Variants in NBEA observed in about 807,000 individuals in gnomAD.
NBEA encodes neurobeachin.
Under a neutral mutation model 343.4 loss-of-function variants are expected in NBEA, and 44 were observed. The ratio of observed to expected loss-of-function variants is 0.13; its 90% CI spans 0.10 to 0.16. The LOEUF (loss-of-function observed/expected upper bound fraction) is 0.16. Ranked by LOEUF, NBEA falls within the 10% of genes least tolerant of loss-of-function variation. NBEA has a pLI of 1.00. For synonymous variants in NBEA, 1,175 were observed against 1,238.7 expected, an observed-to-expected ratio of 0.95 and a Z score of 1.08; for missense variants, 2,555 against 3,631.3, an observed-to-expected ratio of 0.70 and a Z score of 7.62.
chr13:35,116,376 G>A (rs1188953114), intron 13 of NBEA, among the ~76,000 whole-genome samples: 1 of 151,968 alleles, frequency 6.6e-6, no homozygotes, highest in Non-Finnish European at 1.5e-5. Flanking sequence ...GTTCATGTAT[G>A]TTTTCTGTAC....
At chr13:34,956,379 A>C (rs1443361786) in intron 1 of NBEA, among the ~76,000 whole-genome samples, 2 of 150,898 alleles carry the variant, frequency 1.3e-5, no homozygotes, top group African/African-American at 4.9e-5. Context: ...TTTGAAAGTC[A>C]GTGAAAGTTG....
chr13:35,058,959 A>C, intron 8 of NBEA, 96 bp downstream of exon 8: 1 of 1,055,774 alleles, frequency 9.5e-7, no homozygotes, highest in Non-Finnish European at 1.3e-6. Context: ...ATACGGTTTA[A>C]GAGTCATTTC....
chr13:35,610,639 T>A (rs2082471837), intron 48 of NBEA, among the ~76,000 whole-genome samples: 1 of 152,190 alleles, frequency 6.6e-6, no homozygotes. Context: ...TGTGACTTTA[T>A]GTTAGCAAAG....
chr13:35,332,615 C>G (rs915950090), intron 36 of NBEA, among the ~76,000 whole-genome samples: 6 of 151,658 alleles, frequency 4.0e-5, no homozygotes, highest in African/African-American at 1.5e-4. Context: ...TTATGGGTAG[C>G]CATTGGAGAA....
At chr13:35,537,724 G>A (rs2078628123) in intron 41 of NBEA, among the ~76,000 whole-genome samples, 1 of 152,142 alleles carries the variant, frequency 6.6e-6, no homozygotes, top group Admixed American at 6.5e-5. Flanking sequence ...AGAGAGGGAA[G>A]AATATGTGCA....
intron 38 of NBEA, among the ~76,000 whole-genome samples, chr13:35,381,011 C>A (rs1313961596): frequency 6.6e-6 from 1 of 151,906 alleles, no homozygotes; most frequent in East Asian, 1.9e-4. Context: ...TTTTAATATG[C>A]TTTTTCTTTA....
chr13:35,457,527 T>C (rs1266242241), intron 40 of NBEA, among the ~76,000 whole-genome samples: 1 of 152,242 alleles, frequency 6.6e-6, no homozygotes, highest in African/African-American at 2.4e-5. Flanking sequence ...TGCATACAAA[T>C]GGAATCATAG....
chr13:35,241,200 A>G (rs1436717973), intron 34 of NBEA, among the ~76,000 whole-genome samples: 2 of 152,066 alleles, frequency 1.3e-5, no homozygotes, highest in East Asian at 1.9e-4. Context: ...TTAACAAGCT[A>G]TTATAGTTAA....
At chr13:34,975,012 A>G (rs1363457654) in intron 1 of NBEA, among the ~76,000 whole-genome samples, 1 of 152,188 alleles carries the variant, frequency 6.6e-6, no homozygotes, top group African/African-American at 2.4e-5. Context: ...TCCTCATACT[A>G]TCACCTTGAG....
intron 36 of NBEA, among the ~76,000 whole-genome samples, chr13:35,347,045 T>C (rs1044715572): frequency 5.9e-5 from 9 of 152,086 alleles, no homozygotes; most frequent in Non-Finnish European, 1.0e-4. Context: ...AACAAATAAA[T>C]CCAGTATAGT....
At chr13:35,557,934 A>G (rs2079656042) in intron 44 of NBEA, among the ~76,000 whole-genome samples, 1 of 152,162 alleles carries the variant, frequency 6.6e-6, no homozygotes, top group South Asian at 2.1e-4. Context: ...GTAGAGAATT[A>G]TATATAATAT....
chr13:35,417,833 G>A (rs1036998759), intron 38 of NBEA, among the ~76,000 whole-genome samples: 1 of 151,986 alleles, frequency 6.6e-6, no homozygotes, highest in African/African-American at 2.4e-5. Context: ...TTGACAGTGG[G>A]GTGTTAAAAT....
intron 35 of NBEA, among the ~76,000 whole-genome samples, chr13:35,308,450 A>ATATATATATATATATG (rs1248877395): frequency 4.3e-5 from 5 of 115,400 alleles, no homozygotes; most frequent in Admixed American, 9.1e-5. Context: ...ATATATATAT[A>ATATATATATATATATG]TATATATATA....
chr13:35,302,177 G>C (rs1254353761), intron 35 of NBEA, among the ~76,000 whole-genome samples: 1 of 151,994 alleles, frequency 6.6e-6, no homozygotes, highest in East Asian at 1.9e-4. Flanking sequence ...TTAATATTTT[G>C]AATTAGATTA....
intron 31 of NBEA, among the ~76,000 whole-genome samples, chr13:35,197,349 A>G (rs1031468119): frequency 1.3e-5 from 2 of 152,164 alleles, no homozygotes; most frequent in Admixed American, 6.5e-5. Context: ...ACAAGATCAA[A>G]TTAGGAAATA....
intron 30 of NBEA, among the ~76,000 whole-genome samples, chr13:35,191,464 C>T (rs999784660): frequency 6.6e-6 from 1 of 152,026 alleles, no homozygotes; most frequent in Non-Finnish European, 1.5e-5. Flanking sequence ...TCTTTTCATA[C>T]ACTTAGTGTA....
intron 41 of NBEA, among the ~76,000 whole-genome samples, chr13:35,535,223 T>C (rs1365261192): frequency 6.6e-6 from 1 of 152,196 alleles, no homozygotes; most frequent in East Asian, 1.9e-4. Context: ...TGTAGAAAAC[T>C]GGCGGCAGAA....
At chr13:35,385,213 T>TGTA (rs2042188859) in intron 38 of NBEA, among the ~76,000 whole-genome samples, 2 of 152,316 alleles carry the variant, frequency 1.3e-5, no homozygotes, top group African/African-American at 2.4e-5. Context: ...ATGTATTACT[T>TGTA]GTAGAGTACT....
chr13:35,516,928 G>A (rs1273571334), intron 41 of NBEA, among the ~76,000 whole-genome samples: 1 of 152,130 alleles, frequency 6.6e-6, no homozygotes, highest in African/African-American at 2.4e-5. Flanking sequence ...GCTCACAACT[G>A]GGAAGTGTTA....
Sources: gnomAD v4.1 joint callset for allele counts (sites outside exome capture counted in the v4.1 genomes callset) on GRCh38, gnomAD v4.1.1 for gene constraint, MANE v1.5 for transcripts, NCBI Gene and HGNC (gene_info 2026-07-23, HGNC 2026-07-21) for gene names.